IL1RAPL2: variants seen among roughly 807,000 people sequenced by gnomAD.
IL1RAPL2 encodes the protein interleukin 1 receptor accessory protein like 2.
IL1RAPL2 carries 3 observed loss-of-function variants against 44.1 expected under a neutral mutation model. The ratio of observed to expected loss-of-function variants is 0.07; its 90% CI spans 0.03 to 0.18. The LOEUF (loss-of-function observed/expected upper bound fraction) is 0.18, where lower values mean the gene tolerates loss of function less well. Among genes scored for constraint, IL1RAPL2 ranks in the 10% least tolerant of loss-of-function variants. The pLI is 1.00. For missense variants in IL1RAPL2, 391 were observed against 496.4 expected, an observed-to-expected ratio of 0.79 and a Z score of 2.02; for synonymous variants, 181 against 178.8, an observed-to-expected ratio of 1.01 and a Z score of -0.10.
At chrX:105,406,721 G>A (rs952592461) in intron 5 of IL1RAPL2, 78 of 1,193,157 alleles carry the variant, frequency 6.5e-5, no homozygotes, top group Non-Finnish European at 8.5e-5. Context: ...AAGATGCTCT[G>A]TTCTAATGCA....
chrX:105,546,113 G>A (rs1287223732), intron 6 of IL1RAPL2, among the ~76,000 whole-genome samples: 9 of 111,185 alleles, frequency 8.1e-5, no homozygotes, highest in Admixed American at 2.9e-4. Flanking sequence ...CAGTTCTCAC[G>A]GCCTTCCACA....
At position 104,912,621 on chromosome X, in the gene IL1RAPL2, T is replaced by C. The variant is rs145339518; in HGVS notation, c.82+253626T>C. ...CTTTCAGAGGTAGGAAAAATACTTA[T>C]TTTTAATGTGTGTGTCTATCAGCAA... On this transcript the variant is annotated intron_variant, in intron 2 of 10. Coordinates refer to ENST00000372582, the MANE Select transcript of IL1RAPL2 (RefSeq NM_017416.2). 3.3e-3 allele frequency among the ~76,000 whole-genome samples: 364 copies of C among 111,919 alleles called. 2 individuals are homozygous for C. Among genetic ancestry groups the C allele is most frequent in the Admixed American group, 5.1e-3 (54 of 10,506 alleles).
chrX:105,176,507 C>T (rs777081874), intron 2 of IL1RAPL2, among the ~76,000 whole-genome samples: 5 of 110,472 alleles, frequency 4.5e-5, no homozygotes, highest in African/African-American at 9.9e-5. Flanking sequence ...CCAGGATCAC[C>T]GGCATCCTGA....
intron 1 of IL1RAPL2, among the ~76,000 whole-genome samples, chrX:104,597,770 G>A (rs1928795423): frequency 9.0e-6 from 1 of 110,941 alleles, no homozygotes; most frequent in Non-Finnish European, 1.9e-5. Flanking sequence ...CAGGCAAATG[G>A]AAGCACCATG....
intron 2 of IL1RAPL2, among the ~76,000 whole-genome samples, chrX:104,930,907 C>T (rs1924882609): frequency 9.0e-6 from 1 of 111,179 alleles, no homozygotes; most frequent in African/African-American, 3.3e-5. Flanking sequence ...AGTGATTCCC[C>T]TAGTAAGTAG....
intron 2 of IL1RAPL2, among the ~76,000 whole-genome samples, chrX:104,660,930 CTATA>C (rs59232548): frequency 1.5e-3 from 129 of 88,219 alleles, no homozygotes; most frequent in African/African-American, 4.8e-3. Context: ...CAGACCCTGT[CTATA>C]TATATATATA....
At chrX:104,647,851 TACC>T in intron 1 of IL1RAPL2, 1 of 594,226 alleles carries the variant, frequency 1.7e-6, no homozygotes, top group Non-Finnish European at 2.9e-6. Context: ...TCCCTTCCCC[TACC>T]ACAATGTCCT....
At chrX:105,320,140 T>C (rs1477203613) in intron 5 of IL1RAPL2, among the ~76,000 whole-genome samples, 1 of 110,626 alleles carries the variant, frequency 9.0e-6, no homozygotes, top group Non-Finnish European at 1.9e-5. Context: ...CTGTAAAAAA[T>C]ATAGGGAAGC....
At chrX:104,590,687 G>C (rs1012294717) in intron 1 of IL1RAPL2, among the ~76,000 whole-genome samples, 2 of 111,874 alleles carry the variant, frequency 1.8e-5, no homozygotes, top group Non-Finnish European at 3.8e-5. Flanking sequence ...GGGTCAGGAG[G>C]TTTGTGTTCT....
At chrX:105,166,903 C>T (rs1047553030) in intron 2 of IL1RAPL2, among the ~76,000 whole-genome samples, 1 of 112,102 alleles carries the variant, frequency 8.9e-6, no homozygotes, top group African/African-American at 3.2e-5. Flanking sequence ...TGGGGAAAAG[C>T]CATCAATTTG....
At chrX:104,609,660 A>G (rs1048690183) in intron 1 of IL1RAPL2, among the ~76,000 whole-genome samples, 8 of 111,664 alleles carry the variant, frequency 7.2e-5, no homozygotes, top group Non-Finnish European at 9.4e-5. Context: ...AAGCTTGTAC[A>G]TGCTTCACGA....
At chrX:104,661,744 C>T (rs1222970903) in intron 2 of IL1RAPL2, among the ~76,000 whole-genome samples, 1 of 111,739 alleles carries the variant, frequency 8.9e-6, no homozygotes, top group East Asian at 2.8e-4. Flanking sequence ...CTTCATGTAG[C>T]TTGTGAAGTC....
At chrX:105,045,584 G>C (rs956292453) in intron 2 of IL1RAPL2, among the ~76,000 whole-genome samples, 3 of 111,452 alleles carry the variant, frequency 2.7e-5, no homozygotes, top group Admixed American at 9.6e-5. Context: ...GTCTCACTCT[G>C]TTACTCAGGT....
chrX:105,098,858 G>C (rs1033688329), intron 2 of IL1RAPL2, among the ~76,000 whole-genome samples: 1 of 112,041 alleles, frequency 8.9e-6, no homozygotes, highest in Non-Finnish European at 1.9e-5. Context: ...AAATCTATGG[G>C]ATAAGTTTAA....
chrX:104,573,570 A>G (rs917325619), intron 1 of IL1RAPL2, among the ~76,000 whole-genome samples: 15 of 112,403 alleles, frequency 1.3e-4, no homozygotes, highest in African/African-American at 2.3e-4. Context: ...TTCTCAGAAC[A>G]CAAATTAGTA....
At chrX:105,638,097 C>T (rs1320685926) in intron 6 of IL1RAPL2, among the ~76,000 whole-genome samples, 1 of 110,726 alleles carries the variant, frequency 9.0e-6, no homozygotes, top group African/African-American at 3.3e-5. Context: ...GAACAAATTG[C>T]CTTTTAAATT....
chrX:105,189,762 G>T (rs1556136143), intron 2 of IL1RAPL2, among the ~76,000 whole-genome samples: 1 of 111,397 alleles, frequency 9.0e-6, no homozygotes, highest in South Asian at 3.7e-4. Flanking sequence ...TCCCACAATG[G>T]TTATTATTTG....
chrX:104,918,530 G>T (rs922928029), intron 2 of IL1RAPL2, among the ~76,000 whole-genome samples: 16 of 112,007 alleles, frequency 1.4e-4, no homozygotes, highest in African/African-American at 4.9e-4. Flanking sequence ...TTGGAGAGGT[G>T]CAGGGCAAAG....
At chrX:105,347,586 TCA>T (rs2035120390) in intron 5 of IL1RAPL2, among the ~76,000 whole-genome samples, 1 of 109,333 alleles carries the variant, frequency 9.1e-6, no homozygotes, top group Non-Finnish European at 1.9e-5. Flanking sequence ...ATCATCATCA[TCA>T]TCATCATCAT....
Sources: gnomAD v4.1 joint callset for allele counts (sites outside exome capture counted in the v4.1 genomes callset) on GRCh38, gnomAD v4.1.1 for gene constraint, MANE v1.5 for transcripts, NCBI Gene and HGNC (gene_info 2026-07-23, HGNC 2026-07-21) for gene names.